Variants in DPH6 observed in about 807,000 individuals in gnomAD.
DPH6 encodes the protein diphthamine biosynthesis 6.
DPH6 carries 33 observed loss-of-function variants against 38.2 expected under a neutral mutation model. The ratio of observed to expected loss-of-function variants is 0.86; its 90% confidence interval spans 0.65 to 1.15. DPH6 has a LOEUF of 1.15. Ranked by LOEUF, DPH6 falls within the 50% of genes most tolerant of loss-of-function variation. DPH6 has a pLI of 0.00. For synonymous variants in DPH6, 108 were observed against 103.0 expected (o/e 1.05, Z -0.30); for missense variants, 325 against 320.0 (o/e 1.02, Z -0.12).
At chr15:35,271,245 TAAAC>T (rs58147897) in intron 3 of DPH6, among the ~76,000 whole-genome samples, 19 of 152,098 alleles carry the variant, frequency 1.2e-4, no homozygotes, top group Admixed American at 6.5e-4. Flanking sequence ...TCAATGGAGT[TAAAC>T]AAACAAACAA....
intron 3 of DPH6, among the ~76,000 whole-genome samples, chr15:35,304,793 TA>T (rs61656698): frequency 0.02 from 2,785 of 137,392 alleles, 22 homozygotes; most frequent in Middle Eastern, 0.031. Flanking sequence ...ATTTGGATGG[TA>T]AAAAAAAAAA....
chr15:35,244,277 C>T (rs935075082), intron 3 of DPH6, among the ~76,000 whole-genome samples: 1 of 152,090 alleles, frequency 6.6e-6, no homozygotes, highest in Non-Finnish European at 1.5e-5. Flanking sequence ...CCACTTTTTC[C>T]TCCCCTCTGG....
intron 3 of DPH6, chr15:35,237,855 A>C: frequency 6.5e-7 from 1 of 1,528,654 alleles, no homozygotes; most frequent in Admixed American, 1.7e-5. Flanking sequence ...GAGGATGAGG[A>C]GGAGTATGAC....
chr15:35,408,491 T>A (rs1242972139), intron 6 of DPH6, among the ~76,000 whole-genome samples: 1 of 151,942 alleles, frequency 6.6e-6, no homozygotes, highest in Non-Finnish European at 1.5e-5. Flanking sequence ...CACTGAAGCT[T>A]AGCTGATAAA....
At chr15:35,333,227 G>C (rs2052341222) in intron 3 of DPH6, among the ~76,000 whole-genome samples, 1 of 152,138 alleles carries the variant, frequency 6.6e-6, no homozygotes, top group Non-Finnish European at 1.5e-5. Context: ...ATTGATATTG[G>C]TGATGCAATG....
the DPH6 span, among the ~76,000 whole-genome samples, chr15:35,156,070 T>C: frequency 6.6e-6 from 1 of 152,204 alleles, no homozygotes; most frequent in African/African-American, 2.4e-5. Context: ...GAATATCTGA[T>C]GGTCTTCCTT....
intron 7 of DPH6, among the ~76,000 whole-genome samples, chr15:35,376,873 T>G (rs942385504): frequency 1.3e-5 from 2 of 152,196 alleles, no homozygotes; most frequent in African/African-American, 2.4e-5. Context: ...ATAAGTATAC[T>G]CTGGTGCTTG....
chr15:35,275,874 A>G (rs1323267780), intron 3 of DPH6, among the ~76,000 whole-genome samples: 2 of 152,056 alleles, frequency 1.3e-5, no homozygotes, highest in African/African-American at 4.8e-5. Flanking sequence ...TTAGTTTCAC[A>G]TTTTTGCAAT....
chr15:35,509,960 T>G (rs1048632937), intron 3 of DPH6, among the ~76,000 whole-genome samples: 21 of 152,180 alleles, frequency 1.4e-4, no homozygotes, highest in Admixed American at 1.1e-3. Context: ...TCATCCCTAT[T>G]GTCCCAGCAC....
the DPH6 span, among the ~76,000 whole-genome samples, chr15:35,186,351 T>C: frequency 1.3e-5 from 2 of 152,180 alleles, no homozygotes; most frequent in Non-Finnish European, 2.9e-5. Context: ...AAATTTCTAA[T>C]CCAGTTCTAT....
the DPH6 span, among the ~76,000 whole-genome samples, chr15:35,174,908 A>T: frequency 1.3e-5 from 2 of 151,628 alleles, no homozygotes; most frequent in African/African-American, 2.4e-5. Flanking sequence ...TATGTAATTT[A>T]AAAAATATGT....
the DPH6 span, among the ~76,000 whole-genome samples, chr15:35,153,171 C>T: frequency 6.6e-5 from 10 of 152,008 alleles, no homozygotes; most frequent in East Asian, 1.9e-4. Context: ...GTATTGTATA[C>T]GGCTGCTGTC....
chr15:35,175,726 A>C, the DPH6 span, among the ~76,000 whole-genome samples: 1 of 152,184 alleles, frequency 6.6e-6, no homozygotes, highest in African/African-American at 2.4e-5. Context: ...TTATATTAGC[A>C]CTTAACAGAA....
intron 6 of DPH6, among the ~76,000 whole-genome samples, chr15:35,409,114 T>C (rs113394953): frequency 4.0e-5 from 6 of 151,732 alleles, no homozygotes; most frequent in African/African-American, 1.2e-4. Flanking sequence ...GCCATATAAA[T>C]AGGAAAGAAC....
At chr15:35,357,818 C>T (rs1052456506) in intron 3 of DPH6, among the ~76,000 whole-genome samples, 4 of 152,128 alleles carry the variant, frequency 2.6e-5, no homozygotes, top group Non-Finnish European at 5.9e-5. Context: ...TCTTAAGATT[C>T]TTTCCTTTGT....
At chr15:35,489,589 A>T (rs944659928) in intron 3 of DPH6, 2 of 982,890 alleles carry the variant, frequency 2.0e-6, no homozygotes, top group Non-Finnish European at 2.4e-6. Flanking sequence ...ATCATAAAAA[A>T]TACCTACCCA....
chr15:35,389,746 A>C (rs1296913581), intron 6 of DPH6, among the ~76,000 whole-genome samples: 1 of 151,904 alleles, frequency 6.6e-6, no homozygotes, highest in Admixed American at 6.6e-5. Flanking sequence ...TCTGCACGTG[A>C]GATTGGTTTC....
chr15:35,205,080 T>C, the DPH6 span, among the ~76,000 whole-genome samples: 154 of 152,102 alleles, frequency 1.0e-3, no homozygotes, highest in Non-Finnish European at 1.9e-3. Context: ...TGTGATTCCA[T>C]AAATAAAGGA....
At chr15:35,245,354 T>C (rs2051629881) in intron 3 of DPH6, among the ~76,000 whole-genome samples, 1 of 146,954 alleles carries the variant, frequency 6.8e-6, no homozygotes, top group Non-Finnish European at 1.5e-5. Context: ...TTCTCCTGCC[T>C]CAGCCTCCCC....
Sources: allele counts gnomAD v4.1 joint callset (sites outside exome capture counted in the v4.1 genomes callset), GRCh38; gene constraint gnomAD v4.1.1; transcripts MANE v1.5; gene names NCBI Gene and HGNC (gene_info 2026-07-23, HGNC 2026-07-21).